The following DRD3 variants were observed in gnomAD, a reference collection of about 807,000 sequenced individuals.
DRD3 encodes D(3) dopamine receptor.
Under a neutral mutation model 36.3 loss-of-function variants are expected in DRD3, and 19 were observed. That is an observed-to-expected ratio of 0.52 (90% CI 0.36 to 0.77). The LOEUF (loss-of-function observed/expected upper bound fraction) is 0.77, where lower values mean the gene tolerates loss of function less well. Among genes scored for constraint, DRD3 ranks in the 30% least tolerant of loss-of-function variants. The pLI, the probability that DRD3 is intolerant of heterozygous loss-of-function variation, is 0.00. For synonymous variants in DRD3, 195 were observed against 203.7 expected (o/e 0.96, Z 0.36); for missense variants, 465 against 505.3 (o/e 0.92, Z 0.77).
At chr3:114,130,463 C>T (rs1335621879) in intron 6 of DRD3, among the ~76,000 whole-genome samples, 2 of 138,008 alleles carry the variant, frequency 1.4e-5, no homozygotes, top group Non-Finnish European at 3.1e-5. Context: ...CTTGCTCTGT[C>T]GCCCAGGCTG....
At chr3:114,178,504 G>A (rs553495553) in intron 1 of DRD3, among the ~76,000 whole-genome samples, 153 bp downstream of exon 1, 52 of 152,098 alleles carry the variant, frequency 3.4e-4, no homozygotes, top group Non-Finnish European at 6.8e-4. Flanking sequence ...AGAAGAAAAA[G>A]AAAACCATTT....
At chr3:114,132,829 A>C (rs959345190) in intron 5 of DRD3, among the ~76,000 whole-genome samples, 2 of 152,246 alleles carry the variant, frequency 1.3e-5, no homozygotes, top group African/African-American at 4.8e-5. Context: ...GTTGCAAAAT[A>C]TGTGCCTTAT....
chr3:114,131,596 A>G (rs61185152), intron 5 of DRD3, among the ~76,000 whole-genome samples, 196 bp from the exon 6 acceptor site: 3,347 of 152,324 alleles, frequency 0.022, 129 homozygotes, highest in African/African-American at 0.076. Context: ...CTTTACAACT[A>G]AAAAGCACCC....
rs1300917673 is a variant in DRD3 at position 114,171,635 on chromosome 3, G to A, written c.270+88C>T. ...CCTTCCTCAGTTCCTGACTGTCTGG[G>A]GAGTCTTTTGAGCCCCAAAGGCCAG... On this transcript the variant is annotated intron_variant, in intron 2 of 6. Coordinates refer to ENST00000383673, the MANE Select transcript of DRD3 (RefSeq NM_000796.6). 38 of 1,429,246 alleles carry A rather than the reference G, an allele frequency of 2.7e-5. No individual in the cohort carries two copies. In the East Asian group the frequency reaches 9.5e-4, roughly 36 times the overall value. 88.5% of individuals were successfully genotyped at this position (1,429,246 alleles called of 1,614,324 possible).
At position 114,164,939 on chromosome 3, in the gene DRD3, C is replaced by T. The variant is rs190425387; in HGVS notation, c.271-5072G>A. 1.8e-3 allele frequency among the ~76,000 whole-genome samples: 268 copies of T among 152,168 alleles called. 2 individuals are homozygous for T. The highest frequency in any genetic ancestry group is 6.1e-3 in the African/African-American group (252 of 41,532). On this transcript the variant is annotated intron_variant, in intron 2 of 6. Transcript: ENST00000383673. ...CTAATTTTTGTATTTTTAGTAGAGA[C>T]GGGGTTTCACCACATTGGCCAGGCT...
intron 2 of DRD3, among the ~76,000 whole-genome samples, chr3:114,163,222 G>A (rs2077749981): frequency 6.6e-6 from 1 of 152,000 alleles, no homozygotes; most frequent in Admixed American, 6.6e-5. Flanking sequence ...GCCTTCCCTG[G>A]AGCTTACTCA....
rs1395137956 is a variant in DRD3, at chr3:114,127,599, G to A, written c.*1117C>T. Among the ~76,000 whole-genome samples, 1 of 152,172 alleles carries A rather than the reference G, an allele frequency of 6.6e-6. No individual in the cohort carries two copies. Among genetic ancestry groups the A allele is most frequent in the African/African-American group, 2.4e-5 (1 of 41,432 alleles). ...AGTAAATACATAAACCAGTAACATA[G>A]TCATTTATTATCAATATTAAGTATT... On this transcript the variant is annotated 3_prime_UTR_variant, in exon 7 of 7. Coordinates refer to ENST00000383673, the MANE Select transcript of DRD3 (RefSeq NM_000796.6).
intron 1 of DRD3, among the ~76,000 whole-genome samples, chr3:114,189,905 C>T (rs930058989): frequency 1.1e-4 from 16 of 152,030 alleles, no homozygotes; most frequent in Admixed American, 9.2e-4. Context: ...CTTATTTGTT[C>T]GCAAGATCTT....
Position 114,131,182 on chromosome 3 carries a change from G to C in DRD3, c.942C>G (p.Pro314=). The C allele has an allele frequency of 1.2e-6, 2 of 1,614,150 alleles. No homozygotes were observed. Among genetic ancestry groups the C allele is most frequent in the Non-Finnish European group, 1.7e-6 (2 of 1,180,038 alleles). ...GAAGTGGCACTCCCCGAGGTTGCAGGGGCCCCAGCTTCAAAGATGTCGATA... is the reference window on the plus strand; with the variant it reads ...GAAGTGGCACTCCCCGAGGTTGCAGCGGCCCCAGCTTCAAAGATGTCGATA... The part of the protein sequence containing the change: ...GRLSTSLKLG[P]LQPRGVPLRE... Residue 314 remains proline, a synonymous_variant, in exon 6 of 7, where the codon CCC becomes CCG. Transcript: ENST00000383673.
intron 5 of DRD3, among the ~76,000 whole-genome samples, chr3:114,138,032 G>A (rs1245447215): frequency 1.3e-5 from 2 of 148,872 alleles, no homozygotes; most frequent in African/African-American, 5.0e-5. Flanking sequence ...AGCCAGATGT[G>A]TTGGTGGGCA....
At chr3:114,177,900 G>T (rs36211799) in intron 1 of DRD3, among the ~76,000 whole-genome samples, 1 of 152,126 alleles carries the variant, frequency 6.6e-6, no homozygotes, top group Non-Finnish European at 1.5e-5. Flanking sequence ...GTAAGCAAAG[G>T]CTTCACCTAT....
At chr3:114,154,698 C>T (rs868718000) in intron 3 of DRD3, among the ~76,000 whole-genome samples, 1 of 152,148 alleles carries the variant, frequency 6.6e-6, no homozygotes, top group Non-Finnish European at 1.5e-5. Context: ...CGGAGGCTTG[C>T]CTGTGTGATG....
chr3:114,199,003 C>G (rs1182441355), intron 1 of DRD3, among the ~76,000 whole-genome samples: 4 of 152,164 alleles, frequency 2.6e-5, no homozygotes, highest in Non-Finnish European at 4.4e-5. Flanking sequence ...CTTCAACCTC[C>G]CAAAGCATGG....
intron 1 of DRD3, among the ~76,000 whole-genome samples, chr3:114,198,435 C>A (rs2078048426): frequency 6.6e-6 from 1 of 151,906 alleles, no homozygotes; most frequent in Non-Finnish European, 1.5e-5. Context: ...CTACACTCAG[C>A]CTGGTTTATA....
At chr3:114,158,056 C>T (rs536086583) in intron 3 of DRD3, among the ~76,000 whole-genome samples, 138 of 151,880 alleles carry the variant, frequency 9.1e-4, no homozygotes, top group African/African-American at 3.2e-3. Flanking sequence ...GAGCCAAGAT[C>T]GTGCCATTGC....
At chr3:114,134,289 G>A (rs1275960266) in intron 5 of DRD3, among the ~76,000 whole-genome samples, 2 of 152,288 alleles carry the variant, frequency 1.3e-5, no homozygotes, top group South Asian at 2.1e-4. Context: ...GTAGAAATGA[G>A]GTCTTGCTAT....
intron 5 of DRD3, among the ~76,000 whole-genome samples, chr3:114,132,854 A>G (rs1387882524): frequency 6.6e-6 from 1 of 152,272 alleles, no homozygotes. Flanking sequence ...ATTTTGATTC[A>G]AACAAACCAA....
At chr3:114,181,866 C>T (rs1055352650), upstream of DRD3, among the ~76,000 whole-genome samples, 3 of 152,128 alleles carry the variant, frequency 2.0e-5, no homozygotes, top group East Asian at 1.9e-4. Flanking sequence ...CCTTGAGCAC[C>T]GACCATTGAG....
At chr3:114,130,258 C>CA (rs1350597752) in intron 6 of DRD3, among the ~76,000 whole-genome samples, 6 of 151,420 alleles carry the variant, frequency 4.0e-5, no homozygotes, top group African/African-American at 9.7e-5. Flanking sequence ...GACCATGTCT[C>CA]AAAAAAACAA....
Sources: gnomAD v4.1 joint callset for allele counts (sites outside exome capture counted in the v4.1 genomes callset) on GRCh38, gnomAD v4.1.1 for gene constraint, MANE v1.5 for transcripts, NCBI Gene and HGNC (gene_info 2026-07-23, HGNC 2026-07-21) for gene names.